FBXO15: variants seen among roughly 807,000 people sequenced by gnomAD.
FBXO15 encodes the protein F-box only protein 15.
A neutral mutation model predicts 49.5 loss-of-function variants in FBXO15; 30 were observed. That is an observed-to-expected ratio of 0.61 (90% CI 0.45 to 0.82). The LOEUF (loss-of-function observed/expected upper bound fraction) is 0.82, where lower values mean the gene tolerates loss of function less well. FBXO15 is among the 40% of genes least tolerant of loss of function. FBXO15 has a pLI of 0.00. For missense variants in FBXO15, 591 were observed against 631.5 expected (o/e 0.94, Z 0.69); for synonymous variants, 250 against 232.7 (o/e 1.07, Z -0.68).
chr18:74,119,149 A>G (rs1208587668), intron 8 of FBXO15, among the ~76,000 whole-genome samples: 1 of 152,238 alleles, frequency 6.6e-6, no homozygotes. Flanking sequence ...GCCAGCCTGC[A>G]GCTCTGCTCT....
At position 74,074,604 on chromosome 18, in the gene FBXO15, A is replaced by G. The variant is rs1349218154; in HGVS notation, c.1264-874T>C. ...ACTGGATGACTTCCACTACAACTGT[A>G]CTTCAGATTTACCCAGTGTTTTCAC... On this transcript the variant is annotated intron_variant, in intron 9 of 9. Transcript: ENST00000419743. The surrounding 1 kb of genome is among the most constrained non-coding windows in gnomAD (Gnocchi z 4.7). 3.3e-5 allele frequency among the ~76,000 whole-genome samples: 5 copies of G among 152,288 alleles called. No homozygotes were observed. Among genetic ancestry groups the G allele is most frequent in the African/African-American group, 1.2e-4 (5 of 41,562 alleles).
Position 74,089,647 on chromosome 18 carries a change from A to C in FBXO15, c.1139-7596T>G, listed in dbSNP as rs188970071. On this transcript the variant is annotated intron_variant, in intron 8 of 9. Transcript: ENST00000419743. Reference sequence around the variant, plus strand: ...TCATGAAGTGATGTTGAATTTTATCAAAAGCTTTTTCTGCATCTATTGATA... The same window carrying C: ...TCATGAAGTGATGTTGAATTTTATCCAAAGCTTTTTCTGCATCTATTGATA... Among the ~76,000 whole-genome samples, 14 of 152,322 alleles carry C rather than the reference A, an allele frequency of 9.2e-5. 1 individual carries two copies. Among genetic ancestry groups the C allele is most frequent in the Admixed American group, 3.3e-4 (5 of 15,296 alleles).
At chr18:74,106,076 A>T (rs1158955550) in intron 8 of FBXO15, among the ~76,000 whole-genome samples, 1 of 152,174 alleles carries the variant, frequency 6.6e-6, no homozygotes, top group Non-Finnish European at 1.5e-5. Context: ...CTTGCCCAGT[A>T]GAGATAAAAG....
intron 5 of FBXO15, among the ~76,000 whole-genome samples, chr18:74,127,223 G>A (rs1568176261): frequency 6.6e-6 from 1 of 150,864 alleles, no homozygotes; most frequent in Non-Finnish European, 1.5e-5. Context: ...GGGTGGGGAT[G>A]TGAGAAACCT....
intron 6 of FBXO15, among the ~76,000 whole-genome samples, chr18:74,125,182 G>A (rs80301542): frequency 3.9e-5 from 6 of 152,288 alleles, no homozygotes; most frequent in South Asian, 2.1e-4. Context: ...GAGGACAATC[G>A]AAGCCACCAG....
chr18:74,109,396 G>A (rs1404365372), intron 8 of FBXO15, among the ~76,000 whole-genome samples: 8 of 152,132 alleles, frequency 5.3e-5, no homozygotes, highest in African/African-American at 1.9e-4. Flanking sequence ...GTAAATTAGT[G>A]CAACCACTGT....
At chr18:74,077,177 T>C (rs1164568060) in intron 9 of FBXO15, among the ~76,000 whole-genome samples, 2 of 152,170 alleles carry the variant, frequency 1.3e-5, no homozygotes, top group Non-Finnish European at 2.9e-5. Context: ...GCCACCTGCA[T>C]ATGCACACAG....
At chr18:74,094,357 C>G (rs992022963) in intron 8 of FBXO15, among the ~76,000 whole-genome samples, 6 of 152,170 alleles carry the variant, frequency 3.9e-5, no homozygotes, top group Admixed American at 2.6e-4. Flanking sequence ...CCCCTCCTTT[C>G]TCTTGCTCCA....
At chr18:74,135,600 A>C (rs1978666492) in intron 3 of FBXO15, among the ~76,000 whole-genome samples, 162 bp downstream of exon 3, 1 of 152,228 alleles carries the variant, frequency 6.6e-6, no homozygotes, top group African/African-American at 2.4e-5. Flanking sequence ...ATAAATGCAA[A>C]TATTTGAAAA....
In FBXO15 at chr18:74,107,016, T is replaced by A. The variant is rs534329375; in HGVS notation, c.1138+16352A>T. Among the ~76,000 whole-genome samples, 38 of 152,282 alleles carry A rather than the reference T, an allele frequency of 2.5e-4. No homozygotes were observed. In the South Asian group the frequency reaches 7.2e-3, roughly 29 times the overall value. ...CTAAGGATATAAACAGAGCTATATA[T>A]GTGAAAATGAACCAAAATATAAACA... On this transcript the variant is annotated intron_variant, in intron 8 of 9. Coordinates refer to ENST00000419743, the MANE Select transcript of FBXO15 (RefSeq NM_001142958.2).
intron 8 of FBXO15, among the ~76,000 whole-genome samples, chr18:74,113,603 G>A (rs1300253107): frequency 6.6e-6 from 1 of 152,098 alleles, no homozygotes. Flanking sequence ...AAAAAGTACA[G>A]TCTATTTTTA....
At chr18:74,081,109 A>G (rs1380711113) in intron 9 of FBXO15, among the ~76,000 whole-genome samples, 1 of 152,244 alleles carries the variant, frequency 6.6e-6, no homozygotes, top group Non-Finnish European at 1.5e-5. Context: ...TTTGTAAAAT[A>G]TCTCATTGCA....
At chr18:74,146,612 T>C (rs565871406) in intron 1 of FBXO15, among the ~76,000 whole-genome samples, 1 of 152,364 alleles carries the variant, frequency 6.6e-6, no homozygotes, top group East Asian at 1.9e-4. Flanking sequence ...TTTGCAGGCA[T>C]TGTCACCATT....
Position 74,111,778 on chromosome 18 carries a change from G to A in FBXO15, c.1138+11590C>T, listed in dbSNP as rs572263522. Among the ~76,000 whole-genome samples the A allele has an allele frequency of 3.2e-4, 49 of 151,978 alleles. 1 individual carries two copies. The highest frequency in any genetic ancestry group is 1.0e-3 in the African/African-American group (42 of 41,498). ...GGTTTTTTTGGAAATAACAATAAAA[G>A]CAATAAGCATCTAGCAAGGTAAACT... On this transcript the variant is annotated intron_variant, in intron 8 of 9. Transcript: ENST00000419743.
At chr18:74,102,182 G>C (rs1416658508) in intron 8 of FBXO15, among the ~76,000 whole-genome samples, 1 of 152,042 alleles carries the variant, frequency 6.6e-6, no homozygotes, top group Non-Finnish European at 1.5e-5. Flanking sequence ...AACCTACAGA[G>C]TGGGGGAAAA....
chr18:74,126,132 G>A (rs74509480), intron 5 of FBXO15, 31 bp from the exon 6 acceptor site: 1 of 1,611,504 alleles, frequency 6.2e-7, no homozygotes, highest in East Asian at 2.2e-5. Flanking sequence ...AAAGGAGAGA[G>A]AGAAGTGAGC....
intron 2 of FBXO15, 61 bp from the exon 3 acceptor site, chr18:74,135,927 T>A: frequency 7.2e-7 from 1 of 1,384,042 alleles, no homozygotes; most frequent in Admixed American, 2.0e-5. Flanking sequence ...AATCTGCAGA[T>A]TACCCAGAAA....
intron 8 of FBXO15, among the ~76,000 whole-genome samples, chr18:74,103,847 C>A (rs1207016712): frequency 1.3e-5 from 2 of 152,148 alleles, no homozygotes; most frequent in African/African-American, 4.8e-5. Context: ...TTCACCAACA[C>A]CAGACCTATC....
intron 9 of FBXO15, chr18:74,076,668 C>T (rs987380411): frequency 1.3e-5 from 2 of 152,218 alleles, no homozygotes; most frequent in South Asian, 2.1e-4. Flanking sequence ...CCCACTCATT[C>T]GCCATATTCA....
Sources: allele counts gnomAD v4.1 joint callset (sites outside exome capture counted in the v4.1 genomes callset), GRCh38; gene constraint gnomAD v4.1.1; non-coding constraint Gnocchi (gnomAD v3.1); transcripts MANE v1.5; gene names NCBI Gene and HGNC (gene_info 2026-07-23, HGNC 2026-07-21).